The following AGBL1 variants were observed in gnomAD, a reference collection of about 807,000 sequenced individuals.
AGBL1 encodes the protein AGBL carboxypeptidase 1, also known as cytosolic carboxypeptidase 4.
AGBL1 carries 130 observed loss-of-function variants against 118.9 expected under a neutral mutation model. The observed-to-expected ratio is 1.09, with a 90% CI of 0.95 to 1.26. AGBL1 has a LOEUF of 1.26. AGBL1 is among the 50% of genes most tolerant of loss of function. The pLI, the probability that AGBL1 is intolerant of heterozygous loss-of-function variation, is 0.00. For synonymous variants in AGBL1, 555 were observed against 478.9 expected, an observed-to-expected ratio of 1.16 and a Z score of -2.08; for missense variants, 1,584 against 1,298.1, an observed-to-expected ratio of 1.22 and a Z score of -3.38.
At chr15:86,983,695 C>A (rs1596706278) in intron 23 of AGBL1, among the ~76,000 whole-genome samples, 1 of 152,280 alleles carries the variant, frequency 6.6e-6, no homozygotes, top group African/African-American at 2.4e-5. Context: ...TTGCAAGTAG[C>A]CCCTTTCCTA....
intron 18 of AGBL1, among the ~76,000 whole-genome samples, chr15:86,423,588 A>T: frequency 6.6e-6 from 1 of 152,208 alleles, no homozygotes; most frequent in South Asian, 2.1e-4. Flanking sequence ...GAAGAGAGGA[A>T]GTCAAATTGT....
chr15:86,314,186 T>TG (rs2079962802), intron 17 of AGBL1, among the ~76,000 whole-genome samples: 1 of 152,128 alleles, frequency 6.6e-6, no homozygotes, highest in Non-Finnish European at 1.5e-5. Context: ...TGGGTATAGG[T>TG]GGGATGGGTA....
At chr15:86,463,061 TAA>T (rs1460727996) in intron 18 of AGBL1, among the ~76,000 whole-genome samples, 5 of 152,176 alleles carry the variant, frequency 3.3e-5, no homozygotes, top group Non-Finnish European at 7.4e-5. Flanking sequence ...ACCAACAGTG[TAA>T]AAGTGTTCCT....
intron 18 of AGBL1, among the ~76,000 whole-genome samples, chr15:86,507,474 G>A (rs1261005253): frequency 6.6e-6 from 1 of 152,088 alleles, no homozygotes; most frequent in East Asian, 1.9e-4. Flanking sequence ...AAATAGGTAA[G>A]GTCCGTGTTA....
At chr15:86,672,825 T>C (rs1229980142) in intron 21 of AGBL1, among the ~76,000 whole-genome samples, 1 of 152,226 alleles carries the variant, frequency 6.6e-6, no homozygotes, top group Non-Finnish European at 1.5e-5. Context: ...AACTCTGAAG[T>C]AATGTCTCCT....
chr15:86,612,892 G>T, intron 21 of AGBL1, among the ~76,000 whole-genome samples: 1 of 152,166 alleles, frequency 6.6e-6, no homozygotes, highest in East Asian at 1.9e-4. Flanking sequence ...AACTCAAGCT[G>T]ATTTCAATTC....
intron 21 of AGBL1, among the ~76,000 whole-genome samples, chr15:86,611,652 G>A (rs1786070686): frequency 6.6e-6 from 1 of 151,916 alleles, no homozygotes; most frequent in South Asian, 2.1e-4. Flanking sequence ...TTTCTGTCAA[G>A]GTATTTTTTC....
rs567021929 is a variant in AGBL1, at chr15:87,009,898, A to C, written c.3324-18927A>C. Reference sequence around the variant, plus strand: ...GTATTTACCCAATGCCTACACCCCTATTTTATCAAGGAAGTAACTAACTTG... The same window carrying C: ...GTATTTACCCAATGCCTACACCCCTCTTTTATCAAGGAAGTAACTAACTTG... On this transcript the variant is annotated intron_variant, in intron 24 of 24. Coordinates refer to the AGBL1 transcript ENST00000441037. Among the ~76,000 whole-genome samples the C allele has an allele frequency of 2.0e-5, 3 of 152,270 alleles. No individual in the cohort carries two copies. In the South Asian group the frequency reaches 6.2e-4, roughly 32 times the overall value.
At chr15:86,406,016 A>T (rs1280109730) in intron 18 of AGBL1, among the ~76,000 whole-genome samples, 1 of 152,194 alleles carries the variant, frequency 6.6e-6, no homozygotes, top group Non-Finnish European at 1.5e-5. Flanking sequence ...CACAGCCTAG[A>T]GGGTGAAGGA....
chr15:86,895,331 T>C (rs1229967283), intron 22 of AGBL1, among the ~76,000 whole-genome samples: 1 of 151,996 alleles, frequency 6.6e-6, no homozygotes, highest in Non-Finnish European at 1.5e-5. Flanking sequence ...CTTATTCTCA[T>C]TGTCTAAGTA....
chr15:86,648,256 G>A (rs1313766035), intron 21 of AGBL1, among the ~76,000 whole-genome samples: 1 of 152,152 alleles, frequency 6.6e-6, no homozygotes, highest in Non-Finnish European at 1.5e-5. Context: ...GAGGTAGGAG[G>A]CTATTGCAGT....
At chr15:86,838,454 C>T (rs971464041) in intron 22 of AGBL1, among the ~76,000 whole-genome samples, 6 of 152,072 alleles carry the variant, frequency 3.9e-5, no homozygotes, top group Admixed American at 1.3e-4. Context: ...TCTGCTGCTG[C>T]AAGTTCTAGT....
At chr15:86,796,195 C>A (rs2078567990) in intron 22 of AGBL1, among the ~76,000 whole-genome samples, 1 of 152,164 alleles carries the variant, frequency 6.6e-6, no homozygotes, top group African/African-American at 2.4e-5. Flanking sequence ...CATTCTTTCT[C>A]ATGCAAAGAC....
chr15:86,228,946 G>A (rs78530116), intron 6 of AGBL1, among the ~76,000 whole-genome samples: 3,570 of 152,150 alleles, frequency 0.023, 120 homozygotes, highest in African/African-American at 0.075. Context: ...GGCTGGAATG[G>A]TCTAATCCAA....
chr15:86,538,078 G>A (rs1039280554), intron 19 of AGBL1, among the ~76,000 whole-genome samples: 2 of 152,140 alleles, frequency 1.3e-5, no homozygotes, highest in African/African-American at 4.8e-5. Flanking sequence ...AGCATAAAGG[G>A]TCCCACTGTG....
chr15:86,698,707 C>T (rs1232573107), intron 22 of AGBL1, among the ~76,000 whole-genome samples: 1 of 151,286 alleles, frequency 6.6e-6, no homozygotes, highest in South Asian at 2.1e-4. Context: ...CCTACTCTGC[C>T]TATCTAGTGC....
intron 22 of AGBL1, among the ~76,000 whole-genome samples, chr15:86,851,328 C>A (rs1460775312): frequency 6.6e-6 from 1 of 152,110 alleles, no homozygotes; most frequent in African/African-American, 2.4e-5. Flanking sequence ...ACCAAGTCTA[C>A]TAGAACTGGC....
At chr15:86,266,858 G>A (rs1320782960) in intron 12 of AGBL1, 132 bp from the exon 13 acceptor site, 7 of 783,382 alleles carry the variant, frequency 8.9e-6, no homozygotes, top group Non-Finnish European at 1.0e-5. Flanking sequence ...CTGACATCCC[G>A]CCCTGCACTC....
At chr15:86,278,629 C>T (rs2079297816) in intron 15 of AGBL1, among the ~76,000 whole-genome samples, 1 of 152,118 alleles carries the variant, frequency 6.6e-6, no homozygotes, top group African/African-American at 2.4e-5. Context: ...TCTTCCCTTC[C>T]CCTTCCCTTT....
Sources: allele counts gnomAD v4.1 joint callset (sites outside exome capture counted in the v4.1 genomes callset), GRCh38; gene constraint gnomAD v4.1.1; transcripts MANE v1.5; gene names NCBI Gene and HGNC (gene_info 2026-07-23, HGNC 2026-07-21).